Variants in IL1A observed in about 807,000 individuals in gnomAD.
IL1A encodes interleukin 1 alpha.
In IL1A, 16 loss-of-function variants were observed where a neutral mutation model predicts 22.2. The observed-to-expected ratio is 0.72, with a 90% CI of 0.49 to 1.09. The LOEUF (loss-of-function observed/expected upper bound fraction) is 1.09. Among genes scored for constraint, IL1A ranks in the 50% least tolerant of loss-of-function variants. The pLI, the probability that IL1A is intolerant of heterozygous loss-of-function variation, is 0.00. For missense variants in IL1A, 317 were observed against 321.8 expected (o/e 0.99, Z 0.11); for synonymous variants, 113 against 118.5 (o/e 0.95, Z 0.30).
intron 5 of IL1A, 120 bp from the exon 6 acceptor site, chr2:112,778,231 TGTAG>T: frequency 1.2e-6 from 1 of 801,628 alleles, no homozygotes; most frequent in Non-Finnish European, 2.0e-6. Context: ...TGTGTGTGTG[TGTAG>T]TTAGGTCCCC....
At chr2:112,777,887 A>G in intron 6 of IL1A, 100 bp downstream of exon 6, 2 of 1,248,672 alleles carry the variant, frequency 1.6e-6, no homozygotes, top group South Asian at 2.8e-5. Flanking sequence ...TAGGAAGGAA[A>G]GAGGACAGTG....
chr2:112,777,932 T>A (rs1337545263), intron 6 of IL1A, 55 bp downstream of exon 6: 3 of 1,596,224 alleles, frequency 1.9e-6, no homozygotes, highest in Non-Finnish European at 2.6e-6. Context: ...ATTGGGCTTA[T>A]TTACAAACAT....
chr2:112,781,867 T>C lies in IL1A; in HGVS notation c.97-41A>G, dbSNP rs760812715. ...ACAGAAGCTGAGAGGCTGTTCATGG[T>C]CAGGGAATGAAAGTTCTTTCAGTAG... On this transcript the variant is annotated intron_variant, in intron 3 of 6. Coordinates refer to ENST00000263339, the MANE Select transcript of IL1A (RefSeq NM_000575.5). The C allele has an allele frequency of 2.1e-6, 3 of 1,444,428 alleles. No individual in the cohort carries two copies. The Admixed American group carries it at 5.0e-5, about 24-fold the overall frequency. The allele number at this position is 1,444,428 out of a possible 1,614,324, so 89.5% of individuals were successfully genotyped here.
In IL1A at chr2:112,782,780, G is replaced by C. The variant is rs1348075132; in HGVS notation, c.48-16C>G. On this transcript the variant is annotated splice_polypyrimidine_tract_variant and intron_variant, in intron 2 of 6. Coordinates refer to ENST00000263339, the MANE Select transcript of IL1A (RefSeq NM_000575.5). The stretch of plus-strand genomic sequence containing the variant: ...TTCATTTTCACTGTCAAAATAAGAT[G>C]ATGAGAATGTAATTGTTGTTATTTC... The C allele has an allele frequency of 5.7e-6, 9 of 1,586,470 alleles. No homozygotes were observed. Among genetic ancestry groups the C allele is most frequent in the Non-Finnish European group, 7.8e-6 (9 of 1,155,006 alleles).
intron 6 of IL1A, 31 bp downstream of exon 6, chr2:112,777,956 G>A: frequency 6.2e-7 from 1 of 1,612,294 alleles, no homozygotes. Context: ...AGATGTAAAT[G>A]AAGGTAAGTT....
chr2:112,780,889 G>A (rs180718888), intron 4 of IL1A, among the ~76,000 whole-genome samples: 16 of 151,874 alleles, frequency 1.1e-4, no homozygotes, highest in African/African-American at 3.1e-4. Context: ...GAACAGTGGC[G>A]GGTGCCTGTA....
chr2:112,781,046 T>TA (rs1309713195), intron 4 of IL1A, among the ~76,000 whole-genome samples: 2 of 152,024 alleles, frequency 1.3e-5, no homozygotes, highest in Admixed American at 6.5e-5. Context: ...ATAATAATAA[T>TA]AATGATAGTA....
chr2:112,783,737 T>C lies in IL1A; in HGVS notation c.34A>G (p.Lys12Glu). The change falls in exon 2 of 7, where the codon AAG (lysine) becomes GAG (glutamate). Residue 12 changes from lysine (K) to glutamate (E), a missense_variant. By Grantham distance (56) the Lys-to-Glu change is moderately conservative (BLOSUM62 1). Coordinates refer to ENST00000263339, the MANE Select transcript of IL1A (RefSeq NM_000575.5). ...CTTATTCCTTACCTGTAACAGTTCT[T>C]CAGGTCTTCAAACATGTCTGGAACT... ...AKVPDMFEDL[K>E]NCYSENEEDS... The C allele has an allele frequency of 6.2e-7, 1 of 1,613,432 alleles. No individual in the cohort carries two copies. Among genetic ancestry groups the C allele is most frequent in the Non-Finnish European group, 8.5e-7 (1 of 1,179,334 alleles).
intron 6 of IL1A, among the ~76,000 whole-genome samples, chr2:112,777,190 A>G (rs1228607949): frequency 1.3e-5 from 2 of 150,020 alleles, no homozygotes; most frequent in South Asian, 2.1e-4. Context: ...ACTAAGTTCT[A>G]TGAGACTAGA....
At chr2:112,781,388 A>C (rs1433176296) in intron 4 of IL1A, among the ~76,000 whole-genome samples, 1 of 152,218 alleles carries the variant, frequency 6.6e-6, no homozygotes, top group Non-Finnish European at 1.5e-5. Flanking sequence ...TATGGCTAAG[A>C]AATAATGGCT....
intron 5 of IL1A, among the ~76,000 whole-genome samples, chr2:112,779,146 G>A (rs991300236): frequency 6.6e-6 from 1 of 152,164 alleles, no homozygotes; most frequent in Non-Finnish European, 1.5e-5. Flanking sequence ...TGGCTTCTGG[G>A]TAAATCTGAG....
chr2:112,777,866 G>T lies in IL1A; in HGVS notation c.615+121C>A, dbSNP rs1420177739. Reference sequence around the variant, plus strand: ...ATCAATGGGAGTGGGGTGGGCAGGTGGGGGCTGTGGTAGGAAGGAAAGAGG... The same window carrying T: ...ATCAATGGGAGTGGGGTGGGCAGGTTGGGGCTGTGGTAGGAAGGAAAGAGG... On this transcript the variant is annotated intron_variant, in intron 6 of 6. Transcript: ENST00000263339. The T allele has an allele frequency of 8.1e-6, 8 of 992,566 alleles. No individual in the cohort carries two copies. The African/African-American group carries it at 1.3e-4, about 16-fold the overall frequency. 61.5% of individuals were successfully genotyped at this position (992,566 alleles called of 1,614,324 possible).
At position 112,779,604 on chromosome 2, in the gene IL1A, TCATAAAGTTGTATTTCA is replaced by T; in HGVS notation, c.365_381del (p.Val122GlufsTer11). The stretch of plus-strand genomic sequence containing the variant: ...AGGATGAATTCGTATTTGATGATCC[TCATAAAGTTGTATTTCA>T]CATTGCTCAGGAAGCTAAAAGGTGC... On this transcript the variant is annotated frameshift_variant, in exon 5 of 7. Transcript: ENST00000263339. LOFTEE classifies it high-confidence loss of function. The T allele has an allele frequency of 6.2e-7, 1 of 1,613,062 alleles. No individual in the cohort carries two copies. Among genetic ancestry groups the T allele is most frequent in the Non-Finnish European group, 8.5e-7 (1 of 1,179,108 alleles).
rs748780681 is a variant in IL1A, at chr2:112,782,705, C to G, written c.96+11G>C. 6.3e-7 allele frequency: 1 copy of G among 1,587,458 alleles called. No individual in the cohort carries two copies. Among genetic ancestry groups the G allele is most frequent in the Non-Finnish European group, 8.6e-7 (1 of 1,156,206 alleles). ...ATAGCAGTCCCATGAGAATTACAGTCATTTGCTTACCTGATTCAGAGACAG... is the reference window on the plus strand; with the variant it reads ...ATAGCAGTCCCATGAGAATTACAGTGATTTGCTTACCTGATTCAGAGACAG... On this transcript the variant is annotated intron_variant, in intron 3 of 6. Coordinates refer to ENST00000263339, the MANE Select transcript of IL1A (RefSeq NM_000575.5).
chr2:112,782,606 G>A lies in IL1A; in HGVS notation c.96+110C>T, dbSNP rs956977413. 5.2e-6 allele frequency: 4 copies of A among 776,270 alleles called. No homozygotes were observed. The African/African-American group carries it at 5.2e-5, about 10-fold the overall frequency. The allele number at this position is 776,270 out of a possible 1,614,324, so 48.1% of individuals were successfully genotyped here. ...TGAAAGACAGGTCTCTGGACCTCTA[G>A]TGAGGGTAAAACAAAAGTATTGAAG... On this transcript the variant is annotated intron_variant, in intron 3 of 6. Coordinates refer to ENST00000263339, the MANE Select transcript of IL1A (RefSeq NM_000575.5).
intron 3 of IL1A, among the ~76,000 whole-genome samples, 195 bp from the exon 4 acceptor site, chr2:112,782,021 A>AT (rs143629704): frequency 0.013 from 2,010 of 152,190 alleles, 34 homozygotes; most frequent in African/African-American, 0.045. Context: ...TAAAAAGATG[A>AT]TTTTTTTAGG....
At chr2:112,777,025 C>G (rs1681108990) in intron 6 of IL1A, among the ~76,000 whole-genome samples, 1 of 152,044 alleles carries the variant, frequency 6.6e-6, no homozygotes, top group South Asian at 2.1e-4. Context: ...GTCGGCAGCT[C>G]TCATCTCACA....
At position 112,781,621 on chromosome 2, in the gene IL1A, G is replaced by A. The variant is rs1573254239; in HGVS notation, c.302C>T (p.Ala101Val). ...SITDDDLEAI[A>V]NDSEEEIIKP... ...CCCCTTACCTTCCTCTGAGTCATTG[G>A]CGATGGCCTCCAGGTCATCATCAGT... The change falls in exon 4 of 7, where the codon GCC (alanine) becomes GTC (valine). Residue 101 changes from alanine (A) to valine (V), a missense_variant. Transcript: ENST00000263339. The A allele has an allele frequency of 6.2e-7, 1 of 1,613,268 alleles. No homozygotes were observed. Among genetic ancestry groups the A allele is most frequent in the East Asian group, 2.2e-5 (1 of 44,882 alleles).
intron 6 of IL1A, among the ~76,000 whole-genome samples, chr2:112,775,741 G>A (rs1479780111): frequency 6.6e-6 from 1 of 152,002 alleles, no homozygotes; most frequent in African/African-American, 2.4e-5. Context: ...GTCAACAATT[G>A]AAGGTTAAAC....
Sources: gnomAD v4.1 joint callset for allele counts (sites outside exome capture counted in the v4.1 genomes callset) on GRCh38, gnomAD v4.1.1 for gene constraint, MANE v1.5 for transcripts, NCBI Gene and HGNC (gene_info 2026-07-23, HGNC 2026-07-21) for gene names.